Variants in IFNGR2 observed in about 807,000 individuals in gnomAD.
IFNGR2 encodes IFN-gamma receptor 2.
A neutral mutation model predicts 41.1 loss-of-function variants in IFNGR2; 15 were observed. The ratio of observed to expected loss-of-function variants is 0.37; its 90% CI spans 0.24 to 0.56. IFNGR2 has a LOEUF of 0.56. IFNGR2 is among the 20% of genes least tolerant of loss of function. IFNGR2 has a pLI of 0.81. For synonymous variants in IFNGR2, 161 were observed against 171.6 expected (o/e 0.94, Z 0.48); for missense variants, 362 against 415.7 (o/e 0.87, Z 1.12).
intron 3 of IFNGR2, among the ~76,000 whole-genome samples, 152 bp from the exon 4 acceptor site, chr21:33,426,728 TAATA>T (rs1456383466): frequency 2.7e-5 from 4 of 150,546 alleles, no homozygotes; most frequent in East Asian, 1.9e-4. Context: ...GAAAAAATAA[TAATA>T]AATAAAGAGA....
chr21:33,436,751 A>G (rs2083957746), intron 6 of IFNGR2, 77 bp from the exon 7 acceptor site: 2 of 1,204,114 alleles, frequency 1.7e-6, no homozygotes. Context: ...ATAAAATAAA[A>G]ACAAAAACTA....
chr21:33,429,703 C>A (rs747395332), intron 4 of IFNGR2, among the ~76,000 whole-genome samples: 1 of 152,146 alleles, frequency 6.6e-6, no homozygotes, highest in Non-Finnish European at 1.5e-5. Context: ...TGGCCACATA[C>A]GCACCCTCTG....
At chr21:33,407,798 G>A (rs1459534731) in intron 1 of IFNGR2, among the ~76,000 whole-genome samples, 2 of 151,292 alleles carry the variant, frequency 1.3e-5, no homozygotes, top group African/African-American at 4.9e-5. Flanking sequence ...GTTTCACCAC[G>A]TTGGCTAGGC....
Position 33,437,013 on chromosome 21 carries a change from G to A in IFNGR2, c.*51G>A, listed in dbSNP as rs1200947428. 5.0e-6 allele frequency: 8 copies of A among 1,601,334 alleles called. No individual in the cohort carries two copies. The South Asian group carries it at 5.5e-5, about 11-fold the overall frequency. On this transcript the variant is annotated 3_prime_UTR_variant, in exon 7 of 7. Coordinates refer to ENST00000290219, the MANE Select transcript of IFNGR2 (RefSeq NM_005534.4). ...GCTCCCTGGAAGAGATCAAGCCATC[G>A]GAGCTGCTAGAGTTCTGTCTGGACT...
intron 3 of IFNGR2, among the ~76,000 whole-genome samples, chr21:33,424,680 G>C (rs2083820977): frequency 6.6e-6 from 1 of 152,242 alleles, no homozygotes; most frequent in African/African-American, 2.4e-5. Context: ...CTGTGGGCAA[G>C]TAGTGTCACC....
chr21:33,428,744 G>C (rs1400527399), intron 4 of IFNGR2, among the ~76,000 whole-genome samples: 1 of 152,252 alleles, frequency 6.6e-6, no homozygotes, highest in Admixed American at 6.5e-5. Flanking sequence ...AAATGCAAGA[G>C]ATAGGATGGG....
chr21:33,427,916 G>C (rs2083853723), intron 4 of IFNGR2, among the ~76,000 whole-genome samples: 3 of 138,572 alleles, frequency 2.2e-5, no homozygotes, highest in African/African-American at 5.4e-5. Flanking sequence ...TTTTAGTAGA[G>C]ACAGGGTTTT....
At chr21:33,422,298 CATTT>C (rs2083799692) in intron 3 of IFNGR2, among the ~76,000 whole-genome samples, 1 of 152,200 alleles carries the variant, frequency 6.6e-6, no homozygotes, top group Non-Finnish European at 1.5e-5. Flanking sequence ...TCCAGTAATT[CATTT>C]GTCACGTAGT....
chr21:33,406,333 C>A (rs979075616), intron 1 of IFNGR2, among the ~76,000 whole-genome samples: 1 of 151,836 alleles, frequency 6.6e-6, no homozygotes, highest in African/African-American at 2.4e-5. Flanking sequence ...CGAAATCATG[C>A]AACTGCACTC....
At chr21:33,430,920 C>A (rs373441882) in intron 4 of IFNGR2, among the ~76,000 whole-genome samples, 1 of 152,116 alleles carries the variant, frequency 6.6e-6, no homozygotes, top group Non-Finnish European at 1.5e-5. Context: ...GAAAACAGTT[C>A]TTTGCAAGAA....
intron 6 of IFNGR2, among the ~76,000 whole-genome samples, chr21:33,435,756 G>A (rs1383434166): frequency 6.6e-6 from 1 of 151,868 alleles, no homozygotes; most frequent in Non-Finnish European, 1.5e-5. Context: ...GGTGGCATGC[G>A]CCTGTAGTCC....
At chr21:33,421,828 C>A in intron 3 of IFNGR2, 143 bp downstream of exon 3, 1 of 759,396 alleles carries the variant, frequency 1.3e-6, no homozygotes, top group South Asian at 1.5e-5. Context: ...CACACTCTGA[C>A]CTTGGAGGCT....
rs1454855515 is a variant in IFNGR2, at chr21:33,431,989, CTT to C, written c.562-186_562-185del. Among the ~76,000 whole-genome samples the C allele has an allele frequency of 7.2e-5, 11 of 152,366 alleles. No individual in the cohort carries two copies. In the Middle Eastern group the frequency reaches 0.01, roughly 141 times the overall value. Reference sequence around the variant, plus strand: ...AACACAGTTCTAAAGCTATCAGCCTCTTTGGCCACACAACACACCAATTTTCA... The same window carrying C: ...AACACAGTTCTAAAGCTATCAGCCTCTGGCCACACAACACACCAATTTTCA... On this transcript the variant is annotated intron_variant, in intron 4 of 6. Coordinates refer to ENST00000290219, the MANE Select transcript of IFNGR2 (RefSeq NM_005534.4).
chr21:33,434,311 C>G (rs2083921523), intron 6 of IFNGR2, among the ~76,000 whole-genome samples: 1 of 152,102 alleles, frequency 6.6e-6, no homozygotes. Flanking sequence ...CACCTGAGGT[C>G]AGGAGTTCGA....
At chr21:33,411,016 C>A in intron 1 of IFNGR2, 1 of 736,392 alleles carries the variant, frequency 1.4e-6, no homozygotes, top group Admixed American at 2.2e-5. Context: ...AACACAGAGG[C>A]TGGGCTGCCC....
chr21:33,415,688 G>A (rs2083748775), intron 2 of IFNGR2, among the ~76,000 whole-genome samples: 1 of 152,236 alleles, frequency 6.6e-6, no homozygotes, highest in Non-Finnish European at 1.5e-5. Flanking sequence ...AAGACATGAT[G>A]ATGTCCAGTG....
At chr21:33,436,337 A>G (rs1207718135) in intron 6 of IFNGR2, among the ~76,000 whole-genome samples, 1 of 152,186 alleles carries the variant, frequency 6.6e-6, no homozygotes, top group Non-Finnish European at 1.5e-5. Flanking sequence ...TCAAAAAAAA[A>G]AAATTGTTTC....
chr21:33,403,587 T>G lies in IFNGR2; in HGVS notation c.44T>G (p.Val15Gly). 1 of 1,371,782 alleles carries G rather than the reference T, an allele frequency of 7.3e-7. No homozygotes were observed. The highest frequency in any genetic ancestry group is 9.4e-7 in the Non-Finnish European group (1 of 1,059,660). 85.0% of individuals were successfully genotyped at this position (1,371,782 alleles called of 1,614,324 possible). The change falls in exon 1 of 7, where the codon GTC (valine) becomes GGC (glycine). Residue 15 changes from valine (V) to glycine (G), a missense_variant. Transcript: ENST00000290219. ...LLWSLLLLLGVFAAAAAAPPD... is the reference protein window; with the variant it reads ...LLWSLLLLLGGFAAAAAAPPD... ...TGGTCGCTGCTGCTGCTGCTCGGAG[T>G]CTTCGCCGCCGCCGCCGCGGCCCCG... is the stretch of plus-strand genomic sequence containing the variant.
chr21:33,422,941 C>T (rs1252744830), intron 3 of IFNGR2, among the ~76,000 whole-genome samples: 1 of 146,862 alleles, frequency 6.8e-6, no homozygotes, highest in African/African-American at 2.5e-5. Flanking sequence ...AAGGACAAAG[C>T]TTCCAGGCAT....
Sources: allele counts gnomAD v4.1 joint callset (sites outside exome capture counted in the v4.1 genomes callset), GRCh38; gene constraint gnomAD v4.1.1; transcripts MANE v1.5; gene names NCBI Gene and HGNC (gene_info 2026-07-23, HGNC 2026-07-21).